Variants in RORB observed in about 807,000 individuals in gnomAD.
The protein encoded by RORB is nuclear receptor ROR-beta.
In RORB, 6 loss-of-function variants were observed where a neutral mutation model predicts 59.1. That is an observed-to-expected ratio of 0.10 (90% confidence interval 0.06 to 0.20). The LOEUF (loss-of-function observed/expected upper bound fraction) is 0.20. Ranked by LOEUF, RORB falls within the 10% of genes least tolerant of loss-of-function variation. The pLI is 1.00. For synonymous variants in RORB, 215 were observed against 204.5 expected (o/e 1.05, Z -0.44); for missense variants, 320 against 560.5 (o/e 0.57, Z 4.33).
At chr9:74,618,911 T>C (rs1036531083) in intron 1 of RORB, among the ~76,000 whole-genome samples, 1 of 152,176 alleles carries the variant, frequency 6.6e-6, no homozygotes, top group African/African-American at 2.4e-5. Context: ...TGGAAAATAA[T>C]GCAATATAGG....
At chr9:74,592,615 T>C (rs929451719) in intron 1 of RORB, among the ~76,000 whole-genome samples, 24 of 152,104 alleles carry the variant, frequency 1.6e-4, no homozygotes, top group African/African-American at 5.3e-4. Context: ...GCAACATGTC[T>C]CAAAACCTGC....
intron 1 of RORB, among the ~76,000 whole-genome samples, chr9:74,601,653 A>G (rs1364276151): frequency 2.0e-5 from 3 of 152,148 alleles, no homozygotes; most frequent in Non-Finnish European, 2.9e-5. Flanking sequence ...CAAAATTTTC[A>G]ATATGGAAGG....
chr9:74,685,524 T>C lies in RORB; in HGVS notation c.1286T>C (p.Val429Ala), dbSNP rs573653668. ...AACTTGCACGGGGAGAAGCTGCAGGTATTTAAGCAATCTCATCCAGAGATA... is the reference window on the plus strand; with the variant it reads ...AACTTGCACGGGGAGAAGCTGCAGGCATTTAAGCAATCTCATCCAGAGATA... ...VCNLHGEKLQ[V>A]FKQSHPEIVN... is the part of the protein sequence containing the mutation. Residue 429 changes from valine (V) to alanine (A), a missense_variant, in exon 10 of 10, where the codon GTA becomes GCA. Physicochemically the swap from Val to Ala is moderately conservative, Grantham distance 64. Around this residue, in one of 4 missense-constraint regions of RORB, gnomAD observed 109 missense variants for 171.0 expected, o/e 0.64. Transcript: ENST00000376896. The C allele has an allele frequency of 1.2e-6, 2 of 1,613,554 alleles. No individual in the cohort carries two copies. Among genetic ancestry groups the C allele is most frequent in the African/African-American group, 2.7e-5 (2 of 75,018 alleles).
intron 9 of RORB, among the ~76,000 whole-genome samples, chr9:74,679,213 C>T (rs1003420755): frequency 2.6e-5 from 4 of 152,120 alleles, no homozygotes; most frequent in Non-Finnish European, 5.9e-5. Flanking sequence ...GATGATGTGA[C>T]TCGTGGTCTT....
chr9:74,592,024 C>T lies in RORB; in HGVS notation c.8-38258C>T, dbSNP rs191550077. Among the ~76,000 whole-genome samples, 800 of 152,028 alleles carry T rather than the reference C, an allele frequency of 5.3e-3. 9 individuals are homozygous for T. The highest frequency in any genetic ancestry group is 0.018 in the African/African-American group (767 of 41,466). ...GTGCCATTTTTATGGACTGCTTTTT[C>T]TTTTTGGTTTCGCAAAATAGGAAGT... On this transcript the variant is annotated intron_variant, in intron 1 of 9. Coordinates refer to ENST00000376896, the MANE Select transcript of RORB (RefSeq NM_006914.4).
intron 5 of RORB, among the ~76,000 whole-genome samples, chr9:74,661,446 C>T (rs1179014596): frequency 1.3e-5 from 2 of 151,978 alleles, no homozygotes; most frequent in Non-Finnish European, 2.9e-5. Flanking sequence ...AATCTCAGTA[C>T]TTTTATATAA....
intron 1 of RORB, among the ~76,000 whole-genome samples, chr9:74,510,613 C>G (rs1056427846): frequency 1.3e-5 from 2 of 152,104 alleles, no homozygotes; most frequent in Non-Finnish European, 2.9e-5. Context: ...ATGACACACC[C>G]AACAATCTTG....
In RORB at chr9:74,647,613, G is replaced by A. The variant is rs140342200; in HGVS notation, c.637+4798G>A. On this transcript the variant is annotated intron_variant, in intron 4 of 9. Transcript: ENST00000376896. ...ACAGACTTATTTTCATATTGCTTTC[G>A]TGTTCTATTTATAGAACCTGGAATG... 9.9e-4 allele frequency among the ~76,000 whole-genome samples: 150 copies of A among 151,830 alleles called. 1 individual carries two copies. The highest frequency in any genetic ancestry group is 3.2e-3 in the African/African-American group (134 of 41,384).
At chr9:74,604,007 G>T (rs1823110868) in intron 1 of RORB, among the ~76,000 whole-genome samples, 2 of 152,030 alleles carry the variant, frequency 1.3e-5, no homozygotes, top group African/African-American at 4.8e-5. Context: ...GTGCAAGCTG[G>T]TACTATGTTC....
At chr9:74,542,936 A>G (rs1826431633) in intron 1 of RORB, among the ~76,000 whole-genome samples, 1 of 152,216 alleles carries the variant, frequency 6.6e-6, no homozygotes, top group Non-Finnish European at 1.5e-5. Flanking sequence ...CAGCATTCTC[A>G]TGCTTAAAAT....
chr9:74,615,423 G>C (rs1238924402), intron 1 of RORB, among the ~76,000 whole-genome samples: 1 of 152,196 alleles, frequency 6.6e-6, no homozygotes, highest in Non-Finnish European at 1.5e-5. Context: ...GCCTGAGCCA[G>C]CCTTTCACCC....
At chr9:74,561,363 TA>T (rs1312442763) in intron 1 of RORB, among the ~76,000 whole-genome samples, 5 of 152,194 alleles carry the variant, frequency 3.3e-5, no homozygotes, top group Admixed American at 1.3e-4. Flanking sequence ...GTAAATATCT[TA>T]TTTTTTTATA....
chr9:74,654,640 G>A (rs1824051622), intron 4 of RORB, among the ~76,000 whole-genome samples: 1 of 152,100 alleles, frequency 6.6e-6, no homozygotes, highest in African/African-American at 2.4e-5. Context: ...TGATGCAGAA[G>A]TATATTTACC....
intron 8 of RORB, among the ~76,000 whole-genome samples, chr9:74,671,517 A>T (rs1477186485): frequency 1.3e-5 from 2 of 152,182 alleles, no homozygotes; most frequent in Non-Finnish European, 2.9e-5. Context: ...GAGAGATGTA[A>T]ATTGTCACAG....
chr9:74,552,200 T>G (rs1826621602), intron 1 of RORB, among the ~76,000 whole-genome samples: 1 of 152,182 alleles, frequency 6.6e-6, no homozygotes, highest in Non-Finnish European at 1.5e-5. Flanking sequence ...CTGTAAGAAA[T>G]GGGCTGATTC....
At chr9:74,677,686 A>T (rs1374132275) in intron 9 of RORB, among the ~76,000 whole-genome samples, 1 of 152,150 alleles carries the variant, frequency 6.6e-6, no homozygotes, top group East Asian at 1.9e-4. Flanking sequence ...AAATCTTCTT[A>T]TCCAGGTGAG....
Position 74,665,571 on chromosome 9 carries a change from G to A in RORB, c.976G>A (p.Gly326Arg). Residue 326 changes from glycine (G) to arginine (R), a missense_variant, in exon 7 of 10, where the codon GGA becomes AGA. Coordinates refer to ENST00000376896, the MANE Select transcript of RORB (RefSeq NM_006914.4). ...TGTTCTGTTTGAAGGAAAATATGGA[G>A]GAATGCAAATGTTCAAAGCCTTAGG... ...NTVLFEGKYGGMQMFKALGSD... is the reference protein window; with the variant it reads ...NTVLFEGKYGRMQMFKALGSD... 1 of 1,611,884 alleles carries A rather than the reference G, an allele frequency of 6.2e-7. No individual in the cohort carries two copies. The highest frequency in any genetic ancestry group is 8.5e-7 in the Non-Finnish European group (1 of 1,178,396).
intron 1 of RORB, among the ~76,000 whole-genome samples, chr9:74,610,526 T>C (rs1823218683): frequency 6.6e-6 from 1 of 152,192 alleles, no homozygotes; most frequent in Non-Finnish European, 1.5e-5. Flanking sequence ...TCAAATATTC[T>C]CTATGCAAAA....
At chr9:74,684,407 T>C (rs537823712) in intron 9 of RORB, among the ~76,000 whole-genome samples, 14 of 152,280 alleles carry the variant, frequency 9.2e-5, no homozygotes, top group African/African-American at 3.1e-4. Context: ...CCATATGAGC[T>C]ATCATGCCTA....
Sources: allele counts gnomAD v4.1 joint callset (sites outside exome capture counted in the v4.1 genomes callset), GRCh38; gene constraint gnomAD v4.1.1; regional missense constraint gnomAD v4.1.1; transcripts MANE v1.5; gene names NCBI Gene and HGNC (gene_info 2026-07-23, HGNC 2026-07-21).